HSPG2: variants seen among roughly 807,000 people sequenced by gnomAD.
The protein encoded by HSPG2 is basement membrane-specific heparan sulfate proteoglycan core protein.
Under a neutral mutation model 526.6 loss-of-function variants are expected in HSPG2, and 278 were observed. That is an observed-to-expected ratio of 0.53 (90% CI 0.48 to 0.58). HSPG2 has a LOEUF of 0.58. Among genes scored for constraint, HSPG2 ranks in the 20% least tolerant of loss-of-function variants. The pLI is 0.00. For synonymous variants in HSPG2, 2,465 were observed against 2,555.4 expected, an observed-to-expected ratio of 0.96 and a Z score of 1.07; for missense variants, 5,354 against 6,099.5, an observed-to-expected ratio of 0.88 and a Z score of 4.07.
At chr1:21,906,947 G>A (rs187784422) in intron 1 of HSPG2, among the ~76,000 whole-genome samples, 2 of 152,252 alleles carry the variant, frequency 1.3e-5, no homozygotes, top group Admixed American at 1.3e-4. Context: ...GGCTCTTGAA[G>A]ATAAGAAAAG....
Position 21,865,123 on chromosome 1 carries a change from C to T in HSPG2, c.4396-50G>A. 2 of 1,540,238 alleles carry T rather than the reference C, an allele frequency of 1.3e-6. No homozygotes were observed. Among genetic ancestry groups the T allele is most frequent in the Non-Finnish European group, 8.9e-7 (1 of 1,128,224 alleles). On this transcript the variant is annotated intron_variant, in intron 35 of 96. Transcript: ENST00000374695. The surrounding 1 kb of genome is among the most constrained non-coding windows in gnomAD (Gnocchi z 5.4). The stretch of plus-strand genomic sequence containing the variant: ...CGGGGGCAGTGGGCTTTGTGGGCTG[C>T]TCCTACAGTTACCACCCCCCAAATC...
chr1:21,864,995 G>T lies in HSPG2; in HGVS notation c.4474C>A (p.Leu1492Met). 2 of 1,585,276 alleles carry T rather than the reference G, an allele frequency of 1.3e-6. No homozygotes were observed. Among genetic ancestry groups the T allele is most frequent in the Non-Finnish European group, 1.7e-6 (2 of 1,168,122 alleles). Residue 1492 changes from leucine to methionine, a missense_variant, in exon 36 of 97, where the codon CTG (leucine) becomes ATG (methionine). Physicochemically the swap from Leu to Met is conservative, Grantham distance 15. Coordinates refer to ENST00000374695, the MANE Select transcript of HSPG2 (RefSeq NM_005529.7). The surrounding 1 kb of genome is among the most constrained non-coding windows in gnomAD (Gnocchi z 4.8). ...LMALADLDEL[L>M]IRATFSSVPL... Reference sequence around the variant, plus strand: ...ACGGAGGAGAACGTGGCCCGGATCAGGAGCTCATCCAGGTCGGCCAGTGCC... The same window carrying T: ...ACGGAGGAGAACGTGGCCCGGATCATGAGCTCATCCAGGTCGGCCAGTGCC...
chr1:21,878,994 C>G lies in HSPG2; in HGVS notation c.2471G>C (p.Arg824Thr), dbSNP rs1641307404. The change falls in exon 18 of 97, where the codon AGA becomes ACA. Residue 824 changes from arginine to threonine, a missense_variant and splice_region_variant. Physicochemically the swap from Arg to Thr is moderately conservative, Grantham distance 71 (BLOSUM62 -1). Coordinates refer to ENST00000374695, the MANE Select transcript of HSPG2 (RefSeq NM_005529.7). ...CCCCTGACCCGGAGCTGGGGCTGAC[C>G]TGCGGGAGGCATCGATGTATGGGCA... The part of the protein sequence containing the change: ...CPCPYIDASR[R>T]FSDTCFLDTD... 1 of 1,613,484 alleles carries G rather than the reference C, an allele frequency of 6.2e-7. No homozygotes were observed. Among genetic ancestry groups the G allele is most frequent in the Non-Finnish European group, 8.5e-7 (1 of 1,179,808 alleles).
chr1:21,853,531 CAG>C, intron 50 of HSPG2: 2 of 184,844 alleles, frequency 1.1e-5, no homozygotes, highest in South Asian at 1.0e-4. Context: ...ATCACGAGGT[CAG>C]GAGATCGAGA....
rs749042492 is a variant in HSPG2 at position 21,896,246 on chromosome 1, G to A, written c.128C>T (p.Ala43Val). Residue 43 changes from alanine to valine, a missense_variant, in exon 2 of 97, where the codon GCA (alanine) becomes GTA (valine). Physicochemically the swap from Ala to Val is moderately conservative, Grantham distance 64 (BLOSUM62 0). Coordinates refer to ENST00000374695, the MANE Select transcript of HSPG2 (RefSeq NM_005529.7). ...SLPEDIETVT[A>V]SQMRWTHSYL... Reference sequence around the variant, plus strand: ...CGAATGTGTCCAGCGCATTTGGCTTGCTGTGACGGTCTCTATGTCCTCAGG... The same window carrying A: ...CGAATGTGTCCAGCGCATTTGGCTTACTGTGACGGTCTCTATGTCCTCAGG... 11 of 1,613,818 alleles carry A rather than the reference G, an allele frequency of 6.8e-6. No homozygotes were observed. Among genetic ancestry groups the A allele is most frequent in the South Asian group, 1.1e-5 (1 of 91,078 alleles).
chr1:21,917,269 T>C (rs1257495447), intron 1 of HSPG2, among the ~76,000 whole-genome samples: 1 of 151,340 alleles, frequency 6.6e-6, no homozygotes, highest in Non-Finnish European at 1.5e-5. Context: ...CCCGTCTCTA[T>C]GAAAAATACA....
At chr1:21,875,306 G>T (rs1640965115) in intron 25 of HSPG2, 1 of 594,690 alleles carries the variant, frequency 1.7e-6, no homozygotes, top group African/African-American at 1.9e-5. Context: ...ACTCTCCGGC[G>T]AATGACTCTC....
In HSPG2 at chr1:21,890,371, C is replaced by A; in HGVS notation, c.413+56G>T. The stretch of plus-strand genomic sequence containing the variant: ...AGGCTTCCTTCCCATCCTCATCAGC[C>A]CCCTCCAGGTTACCCGCTCAAGTCC... On this transcript the variant is annotated intron_variant, in intron 5 of 96. Coordinates refer to ENST00000374695, the MANE Select transcript of HSPG2 (RefSeq NM_005529.7). This position sits in a 1 kb window ranked among gnomAD's most constrained non-coding sequence, Gnocchi z 4.1. The A allele has an allele frequency of 1.3e-6, 2 of 1,544,822 alleles. No individual in the cohort carries two copies. Among genetic ancestry groups the A allele is most frequent in the Non-Finnish European group, 1.8e-6 (2 of 1,117,304 alleles).
chr1:21,891,099 T>C (rs887309486), intron 3 of HSPG2, among the ~76,000 whole-genome samples: 2 of 152,208 alleles, frequency 1.3e-5, no homozygotes, highest in Non-Finnish European at 2.9e-5. Flanking sequence ...CCTCAGGACT[T>C]GGCTCAGCCA....
chr1:21,923,708 T>C (rs1245802248), intron 1 of HSPG2, among the ~76,000 whole-genome samples: 2 of 152,180 alleles, frequency 1.3e-5, no homozygotes, highest in African/African-American at 4.8e-5. Context: ...TCCTTGAATG[T>C]AGCCTCCTTC....
chr1:21,914,114 G>A (rs2152790810), intron 1 of HSPG2, among the ~76,000 whole-genome samples: 1 of 152,316 alleles, frequency 6.6e-6, no homozygotes, highest in East Asian at 1.9e-4. Flanking sequence ...ATCATTATAG[G>A]AGCAGGTACT....
In HSPG2 at chr1:21,854,959, C is replaced by T. The variant is rs148626953; in HGVS notation, c.6022G>A (p.Ala2008Thr). 51 of 1,613,564 alleles carry T rather than the reference C, an allele frequency of 3.2e-5. No homozygotes were observed. Among genetic ancestry groups the T allele is most frequent in the South Asian group, 3.3e-5 (3 of 91,088 alleles). ...PQARSERTDI[A>T]TLLIPAITTA... ...GTGATGGCTGGGATGAGCAGTGTCG[C>T]GATGTCTGTGCGCTCTGACCGGGCC... The change falls in exon 48 of 97, where the codon GCG (alanine) becomes ACG (threonine). Residue 2008 changes from alanine to threonine, a missense_variant. Physicochemically the swap from Ala to Thr is moderately conservative, Grantham distance 58. Transcript: ENST00000374695.
At chr1:21,885,532 G>A (rs370620181) in intron 9 of HSPG2, 81 bp from the exon 10 acceptor site, 1 of 1,548,988 alleles carries the variant, frequency 6.5e-7, no homozygotes. Context: ...CTCTCATCTT[G>A]CCCACATAAC....
intron 1 of HSPG2, among the ~76,000 whole-genome samples, chr1:21,906,731 T>TG (rs1553177636): frequency 0.018 from 913 of 50,690 alleles, 6 homozygotes; most frequent in African/African-American, 0.034. Flanking sequence ...GACTGGGGGG[T>TG]GGGGGGGGGT....
rs772681178 is a variant in HSPG2 at position 21,828,020 on chromosome 1, G to T, written c.12532+10C>A. On this transcript the variant is annotated intron_variant, in intron 90 of 96. Coordinates refer to ENST00000374695, the MANE Select transcript of HSPG2 (RefSeq NM_005529.7). This position sits in a 1 kb window ranked among gnomAD's most constrained non-coding sequence, Gnocchi z 6.0. The stretch of plus-strand genomic sequence containing the variant: ...CAGAGATGAAGTGGAGAGAAGCCAG[G>T]CCTGGGTACCTTGTTGGCAGCGTGG... 4.3e-6 allele frequency: 7 copies of T among 1,613,618 alleles called. No individual in the cohort carries two copies. The highest frequency in any genetic ancestry group is 5.9e-6 in the Non-Finnish European group (7 of 1,179,978).
chr1:21,923,851 CGAAT>C (rs1557834730), intron 1 of HSPG2, among the ~76,000 whole-genome samples: 3 of 152,138 alleles, frequency 2.0e-5, no homozygotes, highest in Non-Finnish European at 4.4e-5. Context: ...GAATGTTTGC[CGAAT>C]GAATGAACGG....
At position 21,865,394 on chromosome 1, in the gene HSPG2, G is replaced by A. The variant is rs1640146965; in HGVS notation, c.4315-29C>T. On this transcript the variant is annotated intron_variant, in intron 34 of 96. Coordinates refer to ENST00000374695, the MANE Select transcript of HSPG2 (RefSeq NM_005529.7). The surrounding 1 kb of genome is among the most constrained non-coding windows in gnomAD (Gnocchi z 5.4). ...GAAAGACACCAGCAGGATTGGAAGG[G>A]GAGCCGAGGGGTCCCTGGGGTGCCA... 6.2e-7 allele frequency: 1 copy of A among 1,608,126 alleles called. No individual in the cohort carries two copies. Among genetic ancestry groups the A allele is most frequent in the Non-Finnish European group, 8.5e-7 (1 of 1,174,948 alleles).
intron 9 of HSPG2, among the ~76,000 whole-genome samples, chr1:21,885,930 G>A (rs2152760981): frequency 6.6e-6 from 1 of 152,382 alleles, no homozygotes; most frequent in South Asian, 2.1e-4. Flanking sequence ...AGTGGCCAGA[G>A]GCTGGAAGTG....
rs1228965053 is a variant in HSPG2 at position 21,828,420 on chromosome 1, C to A, written c.12244G>T (p.Val4082Leu). ...GTGAGGTCCAGCCGTTTGCCATTCA[C>A]TGACACCTGTGGGGACAGGGACACC... is the stretch of plus-strand genomic sequence containing the variant. ...HFRGCVGEVS[V>L]NGKRLDLTYS... The change falls in exon 89 of 97, where the codon GTG becomes TTG. Residue 4082 changes from valine (V) to leucine (L), a missense_variant. By Grantham distance (32) the Val-to-Leu change is conservative. Coordinates refer to ENST00000374695, the MANE Select transcript of HSPG2 (RefSeq NM_005529.7). This position sits in a 1 kb window ranked among gnomAD's most constrained non-coding sequence, Gnocchi z 6.0. 3.7e-6 allele frequency: 6 copies of A among 1,613,270 alleles called. No individual in the cohort carries two copies. The highest frequency in any genetic ancestry group is 5.1e-6 in the Non-Finnish European group (6 of 1,180,004).
Sources: gnomAD v4.1 joint callset for allele counts (sites outside exome capture counted in the v4.1 genomes callset) on GRCh38, gnomAD v4.1.1 for gene constraint, Gnocchi (gnomAD v3.1) non-coding constraint, MANE v1.5 for transcripts, NCBI Gene and HGNC (gene_info 2026-07-23, HGNC 2026-07-21) for gene names.